The following CALD1 variants were observed in gnomAD, a reference collection of about 807,000 sequenced individuals.
CALD1 encodes caldesmon.
In CALD1, 33 loss-of-function variants were observed where a neutral mutation model predicts 99.9. The observed-to-expected ratio is 0.33, with a 90% CI of 0.25 to 0.44. The LOEUF is 0.44. Among genes scored for constraint, CALD1 ranks in the 20% least tolerant of loss-of-function variants. CALD1 has a pLI of 1.00. For missense variants in CALD1, 861 were observed against 962.1 expected, an observed-to-expected ratio of 0.89 and a Z score of 1.39; for synonymous variants, 310 against 325.0, an observed-to-expected ratio of 0.95 and a Z score of 0.50.
chr7:134,800,514 ATT>A lies in CALD1; in HGVS notation c.-130+20768_-130+20769del, dbSNP rs1184542942. On this transcript the variant is annotated intron_variant, in intron 1 of 14. Coordinates refer to ENST00000361675, the MANE Select transcript of CALD1 (RefSeq NM_033138.4). ...TTATGATTTTTACATCTTAAAGCAT[ATT>A]TTGTCTGCTATTAATATTGCTACAT... is the stretch of plus-strand genomic sequence containing the variant. Among the ~76,000 whole-genome samples the A allele has an allele frequency of 5.3e-5, 8 of 152,050 alleles. No homozygotes were observed. In the East Asian group the frequency reaches 1.5e-3, roughly 29 times the overall value.
intron 3 of CALD1, among the ~76,000 whole-genome samples, chr7:134,914,202 T>G (rs1277509090): frequency 6.6e-6 from 1 of 152,142 alleles, no homozygotes; most frequent in African/African-American, 2.4e-5. Context: ...GTGGGCAAAG[T>G]GAGTTCAAAA....
intron 9 of CALD1, among the ~76,000 whole-genome samples, chr7:134,957,811 T>A (rs1807889599): frequency 6.6e-6 from 1 of 151,854 alleles, no homozygotes; most frequent in African/African-American, 2.4e-5. Flanking sequence ...GTCTTTATTT[T>A]GCCTTGAAAA....
chr7:134,779,572 A>T, upstream of CALD1: 3 of 398,092 alleles, frequency 7.5e-6, no homozygotes, highest in East Asian at 1.1e-4. Context: ...ATATGTGTTC[A>T]CTTAGCATGG....
chr7:134,936,633 A>G (rs1173606745), intron 6 of CALD1, among the ~76,000 whole-genome samples: 1 of 152,254 alleles, frequency 6.6e-6, no homozygotes, highest in Non-Finnish European at 1.5e-5. Context: ...TATTAAGAAA[A>G]TTCAAAATCT....
intron 2 of CALD1, among the ~76,000 whole-genome samples, chr7:134,851,103 C>T (rs2132219636): frequency 1.3e-5 from 2 of 152,284 alleles, no homozygotes; most frequent in East Asian, 3.9e-4. Context: ...TGAGAATAGA[C>T]TAATACAAGC....
upstream of CALD1, among the ~76,000 whole-genome samples, chr7:134,777,163 CCTTT>C (rs1362655912): frequency 1.3e-5 from 2 of 151,798 alleles, no homozygotes; most frequent in African/African-American, 2.4e-5. Context: ...TTTCCCCCTT[CCTTT>C]CTTTTTTAAA....
chr7:134,902,472 T>C (rs1803073683), intron 3 of CALD1, among the ~76,000 whole-genome samples: 1 of 152,062 alleles, frequency 6.6e-6, no homozygotes, highest in Non-Finnish European at 1.5e-5. Context: ...GTTTTGGGGC[T>C]GGGAGGGAGA....
chr7:134,827,387 T>C (rs1345788285), intron 1 of CALD1, among the ~76,000 whole-genome samples: 1 of 152,154 alleles, frequency 6.6e-6, no homozygotes, highest in Admixed American at 6.5e-5. Flanking sequence ...AAACAGAAAA[T>C]GGGCATTTTT....
intron 1 of CALD1, among the ~76,000 whole-genome samples, chr7:134,762,640 C>A (rs1796789320): frequency 2.0e-5 from 3 of 152,138 alleles, no homozygotes; most frequent in African/African-American, 7.2e-5. Flanking sequence ...GGGGAAGCAA[C>A]CCCATCTTAC....
At chr7:134,712,453 C>G in the CALD1 span, among the ~76,000 whole-genome samples, 12 of 152,294 alleles carry the variant, frequency 7.9e-5, no homozygotes, top group African/African-American at 2.9e-4. Context: ...CCTGTGGTTT[C>G]AACTGGATAC....
At chr7:134,834,165 T>C (rs1375945575) in intron 1 of CALD1, among the ~76,000 whole-genome samples, 1 of 152,212 alleles carries the variant, frequency 6.6e-6, no homozygotes, top group African/African-American at 2.4e-5. Context: ...CCATACCTGA[T>C]GGAAGATCTA....
chr7:134,894,260 G>A (rs965257068), intron 3 of CALD1, among the ~76,000 whole-genome samples: 1 of 152,168 alleles, frequency 6.6e-6, no homozygotes, highest in Non-Finnish European at 1.5e-5. Flanking sequence ...GTCTAAATGC[G>A]TTCGGGGTAC....
At chr7:134,774,137 T>G (rs556590288) in intron 1 of CALD1, among the ~76,000 whole-genome samples, 1 of 150,448 alleles carries the variant, frequency 6.6e-6, no homozygotes, top group African/African-American at 2.5e-5. Flanking sequence ...GCCACTGCAC[T>G]CCAGCCTGGG....
chr7:134,922,257 C>G (rs1468388375), intron 3 of CALD1, among the ~76,000 whole-genome samples: 1 of 152,042 alleles, frequency 6.6e-6, no homozygotes, highest in Non-Finnish European at 1.5e-5. Context: ...CTTTAATGCT[C>G]CTAAACATGT....
chr7:134,793,221 A>G (rs1198580358), intron 1 of CALD1, among the ~76,000 whole-genome samples: 1 of 152,254 alleles, frequency 6.6e-6, no homozygotes, highest in African/African-American at 2.4e-5. Context: ...ATGCCTGCAC[A>G]GGGCCCAAAG....
At chr7:134,854,021 G>A (rs373704804) in intron 2 of CALD1, among the ~76,000 whole-genome samples, 2 of 152,114 alleles carry the variant, frequency 1.3e-5, no homozygotes, top group Admixed American at 1.3e-4. Flanking sequence ...CTTCATCAAT[G>A]TCCCTGCAGA....
the CALD1 span, among the ~76,000 whole-genome samples, chr7:134,738,460 C>T: frequency 2.0e-5 from 3 of 152,176 alleles, no homozygotes; most frequent in Non-Finnish European, 4.4e-5. Context: ...GTGAGATTTT[C>T]TGGCTTAACA....
At chr7:134,773,058 C>G (rs146726579) in intron 1 of CALD1, among the ~76,000 whole-genome samples, 2 of 152,306 alleles carry the variant, frequency 1.3e-5, no homozygotes, top group African/African-American at 4.8e-5. Flanking sequence ...TGTTTTCATT[C>G]ACTGTATTGG....
At chr7:134,928,192 G>A (rs1258332981) in intron 3 of CALD1, 4 of 181,704 alleles carry the variant, frequency 2.2e-5, no homozygotes, top group South Asian at 1.7e-4. Context: ...AGCACTTTGG[G>A]AGGCCGAGGC....
Sources: allele counts gnomAD v4.1 joint callset (sites outside exome capture counted in the v4.1 genomes callset), GRCh38; gene constraint gnomAD v4.1.1; transcripts MANE v1.5; gene names NCBI Gene and HGNC (gene_info 2026-07-23, HGNC 2026-07-21).